Variants in TRIP13 observed in about 807,000 individuals in gnomAD.
The protein encoded by TRIP13 is pachytene checkpoint protein 2 homolog.
Under a neutral mutation model 54.4 loss-of-function variants are expected in TRIP13, and 25 were observed. That is an observed-to-expected ratio of 0.46 (90% CI 0.33 to 0.64). TRIP13 has a LOEUF of 0.64. Ranked by LOEUF, TRIP13 falls within the 30% of genes least tolerant of loss-of-function variation. The pLI is 0.02. For synonymous variants in TRIP13, 207 were observed against 207.8 expected, an observed-to-expected ratio of 1.00 and a Z score of 0.03; for missense variants, 373 against 534.2, an observed-to-expected ratio of 0.70 and a Z score of 2.97.
chr5:895,131 A>G (rs1383010505), intron 2 of TRIP13, among the ~76,000 whole-genome samples, 179 bp downstream of exon 2: 3 of 152,236 alleles, frequency 2.0e-5, no homozygotes, highest in Admixed American at 6.5e-5. Flanking sequence ...AGTAGGAAGT[A>G]GCCCTGATGT....
At chr5:916,793 G>A (rs1426447091) in intron 12 of TRIP13, among the ~76,000 whole-genome samples, 2 of 124,126 alleles carry the variant, frequency 1.6e-5, no homozygotes, top group South Asian at 2.3e-4. Flanking sequence ...TGGCGGGGGC[G>A]GGGGTCACGT....
chr5:908,420 C>T lies in TRIP13; in HGVS notation c.825C>T (p.Arg275=), dbSNP rs146441673. 49 of 1,613,764 alleles carry T rather than the reference C, an allele frequency of 3.0e-5. No homozygotes were observed. Among genetic ancestry groups the T allele is most frequent in the East Asian group, 4.5e-5 (2 of 44,876 alleles). The part of the protein sequence containing the change: ...RAGTEPSDAI[R]VVNAVLTQID... Reference sequence around the variant, plus strand: ...GCACCGAGCCATCAGATGCCATCCGCGTGGTCAATGCTGTCTTGACCCAAA... The same window carrying T: ...GCACCGAGCCATCAGATGCCATCCGTGTGGTCAATGCTGTCTTGACCCAAA... Residue 275 remains arginine, a synonymous_variant, in exon 9 of 13, where the codon CGC becomes CGT. Coordinates refer to ENST00000166345, the MANE Select transcript of TRIP13 (RefSeq NM_004237.4). The surrounding 1 kb of genome is among the most constrained non-coding windows in gnomAD (Gnocchi z 5.2).
chr5:901,610 T>C (rs1329232805), intron 5 of TRIP13, among the ~76,000 whole-genome samples, 179 bp downstream of exon 5: 3 of 138,826 alleles, frequency 2.2e-5, no homozygotes, highest in Non-Finnish European at 4.4e-5. Flanking sequence ...CATTTTTTGT[T>C]TGTTTGTTTG....
chr5:906,489 A>AG (rs1192227961), intron 6 of TRIP13, among the ~76,000 whole-genome samples: 1 of 152,164 alleles, frequency 6.6e-6, no homozygotes, highest in Non-Finnish European at 1.5e-5. Flanking sequence ...TTTTACGTGG[A>AG]ATGCCAGTGA....
chr5:900,345 C>A, intron 3 of TRIP13, 149 bp from the exon 4 acceptor site: 1 of 715,388 alleles, frequency 1.4e-6, no homozygotes, highest in Non-Finnish European at 2.3e-6. Context: ...GAAAAATTTG[C>A]AGAATTTATA....
chr5:910,916 C>G (rs758509345), intron 9 of TRIP13, among the ~76,000 whole-genome samples: 1 of 152,232 alleles, frequency 6.6e-6, no homozygotes, highest in Non-Finnish European at 1.5e-5. Context: ...CACCCCGGCG[C>G]GCAGGCACAG....
chr5:912,141 G>A lies in TRIP13; in HGVS notation c.1020+145G>A, dbSNP rs1754246647. 4 of 1,111,818 alleles carry A rather than the reference G, an allele frequency of 3.6e-6. No homozygotes were observed. The highest frequency in any genetic ancestry group is 1.6e-5 in the South Asian group (1 of 60,994). 68.9% of individuals were successfully genotyped at this position (1,111,818 alleles called of 1,614,324 possible). On this transcript the variant is annotated intron_variant, in intron 10 of 12. Coordinates refer to ENST00000166345, the MANE Select transcript of TRIP13 (RefSeq NM_004237.4). This position sits in a 1 kb window ranked among gnomAD's most constrained non-coding sequence, Gnocchi z 7.2. Reference sequence around the variant, plus strand: ...CCTTCTTAAATTGAAAACTAGTTTTGTATGTGACAGGTTGAGCTGATAGTT... The same window carrying A: ...CCTTCTTAAATTGAAAACTAGTTTTATATGTGACAGGTTGAGCTGATAGTT...
intron 6 of TRIP13, among the ~76,000 whole-genome samples, chr5:905,347 G>T (rs1042917451): frequency 6.6e-6 from 1 of 152,296 alleles, no homozygotes; most frequent in African/African-American, 2.4e-5. Context: ...TGCAGGGAAT[G>T]TCCCCTGCTC....
Position 900,642 on chromosome 5 carries a change from G to A in TRIP13, c.444+93G>A, listed in dbSNP as rs151329598. The A allele has an allele frequency of 1.3e-4, 186 of 1,425,342 alleles. No homozygotes were observed. The East Asian group carries it at 4.3e-3, about 33-fold the overall frequency. 88.3% of individuals were successfully genotyped at this position (1,425,342 alleles called of 1,614,324 possible). A position where few individuals can be genotyped will look rare whatever the true frequency, so the allele number is the denominator to read the frequency against. ...CAACACCCCTGAGCAACTTGATGCA[G>A]ATGGGTTTTTGGGAGCCCCTGTCTG... is the stretch of plus-strand genomic sequence containing the variant. On this transcript the variant is annotated intron_variant, in intron 4 of 12. Transcript: ENST00000166345.
At position 909,505 on chromosome 5, in the gene TRIP13, C is replaced by T. The variant is rs72491330; in HGVS notation, c.866+1044C>T. On this transcript the variant is annotated intron_variant, in intron 9 of 12. Transcript: ENST00000166345. ...AGAGCGTATCTGGCTTCCTGAGAAG[C>T]GCTCGTTTTGGGGTCAGCTGCAGGA... Among the ~76,000 whole-genome samples, 1,319 of 152,228 alleles carry T rather than the reference C, an allele frequency of 8.7e-3. 76 individuals are homozygous for T. In the East Asian group the frequency reaches 0.16, roughly 18 times the overall value.
At chr5:901,701 T>C (rs998576745) in intron 5 of TRIP13, among the ~76,000 whole-genome samples, 1 of 152,208 alleles carries the variant, frequency 6.6e-6, no homozygotes, top group African/African-American at 2.4e-5. Context: ...AACCTCCACT[T>C]CCTGGGTTCC....
intron 3 of TRIP13, among the ~76,000 whole-genome samples, chr5:897,149 A>G (rs1335679271): frequency 1.3e-5 from 2 of 150,786 alleles, no homozygotes; most frequent in African/African-American, 4.9e-5. Context: ...GGCTTCATTC[A>G]GTCAGTGTGT....
intron 9 of TRIP13, among the ~76,000 whole-genome samples, chr5:909,284 C>T (rs80166273): frequency 0.023 from 3,454 of 152,280 alleles, 144 homozygotes; most frequent in East Asian, 0.16. Flanking sequence ...AAGTGATGGG[C>T]GAGCCAGAAC....
In TRIP13 at chr5:907,901, T is replaced by G; in HGVS notation, c.673-87T>G. 1 of 1,372,106 alleles carries G rather than the reference T, an allele frequency of 7.3e-7. No individual in the cohort carries two copies. Among genetic ancestry groups the G allele is most frequent in the Non-Finnish European group, 1.0e-6 (1 of 963,592 alleles). The allele number at this position is 1,372,106 out of a possible 1,614,324, so 85.0% of individuals were successfully genotyped here. On this transcript the variant is annotated intron_variant, in intron 7 of 12. Transcript: ENST00000166345. The surrounding 1 kb of genome is among the most constrained non-coding windows in gnomAD (Gnocchi z 4.1). ...GAGACAGTGGGCTTGTGGGGACAAC[T>G]GGGGCAGCAGGCCACATCAGGGTCC...
intron 9 of TRIP13, among the ~76,000 whole-genome samples, chr5:910,299 C>T (rs1162526038): frequency 6.6e-6 from 1 of 152,214 alleles, no homozygotes; most frequent in Non-Finnish European, 1.5e-5. Context: ...CTCCTGTCTC[C>T]CCGGTTTATG....
At chr5:896,427 C>T (rs1406328372) in intron 2 of TRIP13, among the ~76,000 whole-genome samples, 1 of 152,116 alleles carries the variant, frequency 6.6e-6, no homozygotes, top group African/African-American at 2.4e-5. Context: ...GGATTTAGGG[C>T]ACTTTTTCAT....
intron 11 of TRIP13, 143 bp downstream of exon 11, chr5:914,720 C>CAT (rs140673712): frequency 3.4e-6 from 2 of 596,670 alleles, no homozygotes; most frequent in South Asian, 1.8e-5. Flanking sequence ...CATGTACACA[C>CAT]GTGTGTGTGT....
rs141814386 is a variant in TRIP13, at chr5:908,243, C to T, written c.760-112C>T. On this transcript the variant is annotated intron_variant, in intron 8 of 12. Coordinates refer to ENST00000166345, the MANE Select transcript of TRIP13 (RefSeq NM_004237.4). The surrounding 1 kb of genome is among the most constrained non-coding windows in gnomAD (Gnocchi z 5.2). ...TGCCGCAGCATCCGCAGGCTAGGCA[C>T]GGGAACACCCATTCATTCATCTTTT... 583 of 1,423,318 alleles carry T rather than the reference C, an allele frequency of 4.1e-4. No homozygotes were observed. In the African/African-American group the frequency reaches 4.4e-3, roughly 11 times the overall value. 88.2% of individuals were successfully genotyped at this position (1,423,318 alleles called of 1,614,324 possible).
Position 915,589 on chromosome 5 carries a change from A to G in TRIP13, c.1134-315A>G, listed in dbSNP as rs55847145. Among the ~76,000 whole-genome samples the G allele has an allele frequency of 0.047, 6,369 of 135,040 alleles. 307 individuals are homozygous for G. Among genetic ancestry groups the G allele is most frequent in the African/African-American group, 0.14 (5,220 of 36,920 alleles). The allele number at this position is 135,040 out of a possible 152,430, so 88.6% of individuals were successfully genotyped here. ...CGGGCAGGTGATGCCTTCCCTGAGC[A>G]CAAGGATGCTGGCCCTGGGGCAGAG... On this transcript the variant is annotated intron_variant, in intron 11 of 12. Transcript: ENST00000166345. This position sits in a 1 kb window ranked among gnomAD's most constrained non-coding sequence, Gnocchi z 4.2.
Sources: gnomAD v4.1 joint callset for allele counts (sites outside exome capture counted in the v4.1 genomes callset) on GRCh38, gnomAD v4.1.1 for gene constraint, Gnocchi (gnomAD v3.1) non-coding constraint, MANE v1.5 for transcripts, NCBI Gene and HGNC (gene_info 2026-07-23, HGNC 2026-07-21) for gene names.